Variants in KCND2 observed in about 807,000 individuals in gnomAD.
KCND2 encodes the protein potassium voltage-gated channel subfamily D member 2.
A neutral mutation model predicts 54.4 loss-of-function variants in KCND2; 16 were observed. The ratio of observed to expected loss-of-function variants is 0.29; its 90% CI spans 0.20 to 0.45. The LOEUF (loss-of-function observed/expected upper bound fraction) is 0.45. KCND2 is among the 20% of genes least tolerant of loss of function. KCND2 has a pLI of 1.00. For synonymous variants in KCND2, 317 were observed against 310.7 expected (o/e 1.02, Z -0.21); for missense variants, 486 against 824.2 (o/e 0.59, Z 5.02).
intron 1 of KCND2, among the ~76,000 whole-genome samples, chr7:120,535,802 C>A (rs2116371665): frequency 6.6e-6 from 1 of 152,238 alleles, no homozygotes; most frequent in South Asian, 2.1e-4. Flanking sequence ...AATGTGCTAT[C>A]CATAGCAGGA....
intron 1 of KCND2, among the ~76,000 whole-genome samples, chr7:120,277,745 A>G (rs1799199572): frequency 6.6e-6 from 1 of 151,988 alleles, no homozygotes; most frequent in Non-Finnish European, 1.5e-5. Context: ...TGTTTCAAGG[A>G]AAATATGAGA....
At chr7:120,611,928 G>A (rs996151083) in intron 1 of KCND2, among the ~76,000 whole-genome samples, 2 of 152,266 alleles carry the variant, frequency 1.3e-5, no homozygotes, top group African/African-American at 4.8e-5. Flanking sequence ...GTACTCTGTA[G>A]TAATAGTTCT....
At chr7:120,602,175 A>G (rs988590593) in intron 1 of KCND2, among the ~76,000 whole-genome samples, 4 of 152,232 alleles carry the variant, frequency 2.6e-5, no homozygotes, top group African/African-American at 9.6e-5. Flanking sequence ...GAAAATTTCA[A>G]CATTCTCTAC....
chr7:120,741,691 C>G, intron 3 of KCND2, 62 bp downstream of exon 3: 5 of 1,099,564 alleles, frequency 4.5e-6, no homozygotes, highest in Non-Finnish European at 6.9e-6. Flanking sequence ...TGATTTAGTT[C>G]TACTTTCCTA....
chr7:120,492,418 G>A lies in KCND2; in HGVS notation c.1115+216671G>A, dbSNP rs148266058. On this transcript the variant is annotated intron_variant, in intron 1 of 5. Coordinates refer to ENST00000331113, the MANE Select transcript of KCND2 (RefSeq NM_012281.3). ...CATGCATACTCATATGTACATATAT[G>A]TATATATGCCTTAGTCTATCTGGGC... 5.2e-4 allele frequency among the ~76,000 whole-genome samples: 79 copies of A among 151,992 alleles called. No individual in the cohort carries two copies. In the East Asian group the frequency reaches 0.015, roughly 30 times the overall value.
At chr7:120,322,801 G>GA (rs1342565772) in intron 1 of KCND2, among the ~76,000 whole-genome samples, 1 of 151,954 alleles carries the variant, frequency 6.6e-6, no homozygotes, top group Admixed American at 6.6e-5. Context: ...TTTGATAACA[G>GA]AAAATCTGTC....
At chr7:120,608,305 C>T (rs988063048) in intron 1 of KCND2, among the ~76,000 whole-genome samples, 1 of 151,914 alleles carries the variant, frequency 6.6e-6, no homozygotes, top group Non-Finnish European at 1.5e-5. Flanking sequence ...TTCAGAGGTT[C>T]TTAGAACCAA....
At chr7:120,378,407 T>TA (rs765695583) in intron 1 of KCND2, among the ~76,000 whole-genome samples, 25 of 151,954 alleles carry the variant, frequency 1.6e-4, no homozygotes, top group African/African-American at 4.6e-4. Flanking sequence ...TTTCCATGAT[T>TA]AAACTCACCC....
intron 1 of KCND2, among the ~76,000 whole-genome samples, chr7:120,393,770 C>T (rs1015764066): frequency 6.6e-6 from 1 of 151,902 alleles, no homozygotes; most frequent in Non-Finnish European, 1.5e-5. Context: ...TGAATAAAAC[C>T]TGTTACTTTT....
intron 1 of KCND2, among the ~76,000 whole-genome samples, chr7:120,509,865 A>C (rs1198247320): frequency 2.0e-5 from 3 of 152,076 alleles, no homozygotes; most frequent in African/African-American, 7.2e-5. Context: ...CAATGTTTTG[A>C]TACCATCTAT....
At chr7:120,567,671 A>G (rs1316909415) in intron 1 of KCND2, among the ~76,000 whole-genome samples, 1 of 152,160 alleles carries the variant, frequency 6.6e-6, no homozygotes, top group Non-Finnish European at 1.5e-5. Flanking sequence ...CATTGCTTAT[A>G]ATTGCTTCCT....
intron 1 of KCND2, among the ~76,000 whole-genome samples, chr7:120,348,122 A>G (rs546861006): frequency 1.4e-4 from 21 of 152,342 alleles, no homozygotes; most frequent in Admixed American, 1.2e-3. Flanking sequence ...ATGGTGAGAC[A>G]CAAACATTCA....
intron 1 of KCND2, among the ~76,000 whole-genome samples, chr7:120,633,597 AC>A (rs1793265806): frequency 6.6e-6 from 1 of 152,042 alleles, no homozygotes; most frequent in Non-Finnish European, 1.5e-5. Flanking sequence ...TCCCCCCAAA[AC>A]CTGTGGTTGT....
intron 1 of KCND2, among the ~76,000 whole-genome samples, chr7:120,317,440 TTTAA>T (rs1688175229): frequency 6.6e-6 from 1 of 152,202 alleles, no homozygotes; most frequent in Admixed American, 6.5e-5. Context: ...TAATTGTGTC[TTTAA>T]TTATTACATT....
chr7:120,459,611 G>A (rs1250531588), intron 1 of KCND2, among the ~76,000 whole-genome samples: 1 of 152,038 alleles, frequency 6.6e-6, no homozygotes, highest in Non-Finnish European at 1.5e-5. Flanking sequence ...TGTCCACATT[G>A]CCTAAAATAG....
intron 1 of KCND2, among the ~76,000 whole-genome samples, chr7:120,612,993 G>A (rs1472432864): frequency 6.6e-6 from 1 of 151,946 alleles, no homozygotes; most frequent in Non-Finnish European, 1.5e-5. Flanking sequence ...AGAATAGTAT[G>A]TGTATGAATT....
At chr7:120,406,258 A>G (rs1725274888) in intron 1 of KCND2, among the ~76,000 whole-genome samples, 1 of 152,048 alleles carries the variant, frequency 6.6e-6, no homozygotes, top group African/African-American at 2.4e-5. Context: ...AAAGTGGTGT[A>G]TTTAAAATAC....
chr7:120,621,276 C>CAAA lies in KCND2; in HGVS notation c.1116-111601_1116-111599dup, dbSNP rs1175736454. 7.0e-4 allele frequency among the ~76,000 whole-genome samples: 33 copies of CAAA among 47,194 alleles called. 1 individual carries two copies. The highest frequency in any genetic ancestry group is 1.7e-3 in the African/African-American group (25 of 14,496). The allele number at this position is 47,194 out of a possible 152,430, so 31.0% of individuals were successfully genotyped here. A position where few individuals can be genotyped will look rare whatever the true frequency, so the allele number is the denominator to read the frequency against. On this transcript the variant is annotated intron_variant, in intron 1 of 5. Transcript: ENST00000331113. ...TGGGCGACAGAGCAAGACTCCGTCT[C>CAAA]AAAAAAAAAAAAAAAAAAAAAAAAA...
At chr7:120,462,234 G>A (rs1251327016) in intron 1 of KCND2, among the ~76,000 whole-genome samples, 1 of 150,330 alleles carries the variant, frequency 6.7e-6, no homozygotes, top group Non-Finnish European at 1.5e-5. Context: ...GGTATGCAAT[G>A]GTCTAAAGAG....
Sources: allele counts gnomAD v4.1 joint callset (sites outside exome capture counted in the v4.1 genomes callset), GRCh38; gene constraint gnomAD v4.1.1; transcripts MANE v1.5; gene names NCBI Gene and HGNC (gene_info 2026-07-23, HGNC 2026-07-21).